The following NEDD4L variants were observed in gnomAD, a reference collection of about 807,000 sequenced individuals.
The protein encoded by NEDD4L is NEDD4 like E3 ubiquitin protein ligase.
NEDD4L carries 54 observed loss-of-function variants against 148.9 expected under a neutral mutation model. The observed-to-expected ratio is 0.36, with a 90% CI of 0.29 to 0.45. The LOEUF is 0.45. Ranked by LOEUF, NEDD4L falls within the 20% of genes least tolerant of loss-of-function variation. The pLI is 1.00. For missense variants in NEDD4L, 856 were observed against 1,233.8 expected, an observed-to-expected ratio of 0.69 and a Z score of 4.59; for synonymous variants, 433 against 440.7, an observed-to-expected ratio of 0.98 and a Z score of 0.22.
At position 58,396,589 on chromosome 18, in the gene NEDD4L, T is replaced by C. The variant is rs4149616; in HGVS notation, c.*320T>C. 2,329 of 217,200 alleles carry C rather than the reference T, an allele frequency of 0.011. 15 individuals are homozygous for C. Among genetic ancestry groups the C allele is most frequent in the Middle Eastern group, 0.02 (11 of 552 alleles). 13.5% of individuals were successfully genotyped at this position (217,200 alleles called of 1,614,324 possible). A position where few individuals can be genotyped will look rare whatever the true frequency, so the allele number is the denominator to read the frequency against. The stretch of plus-strand genomic sequence containing the variant: ...TTACATCCTTTCTAATGACAATGAA[T>C]GGAATTAATCACTCAACAGGTATAG... On this transcript the variant is annotated 3_prime_UTR_variant, in exon 31 of 31. Coordinates refer to ENST00000400345, the MANE Select transcript of NEDD4L (RefSeq NM_001144967.3).
chr18:58,276,694 A>ATAATAT lies in NEDD4L; in HGVS notation c.297+24642_297+24643insATATTA, dbSNP rs1555783396. Reference sequence around the variant, plus strand: ...GTGGTCAGCTATAATAATAATAATAATATTATTATTATTATTATTAATAAA... The same window carrying ATAATAT: ...GTGGTCAGCTATAATAATAATAATAATAATATTATTATTATTATTATTATTAATAAA... On this transcript the variant is annotated intron_variant, in intron 5 of 30. Transcript: ENST00000400345. Among the ~76,000 whole-genome samples, 882 of 97,812 alleles carry ATAATAT rather than the reference A, an allele frequency of 9.0e-3. 13 individuals carry two copies. Among genetic ancestry groups the ATAATAT allele is most frequent in the African/African-American group, 0.045 (831 of 18,628 alleles). The allele number at this position is 97,812 out of a possible 152,430, so 64.2% of individuals were successfully genotyped here. A position where few individuals can be genotyped will look rare whatever the true frequency, so the allele number is the denominator to read the frequency against.
At chr18:58,175,602 T>C (rs2038037704) in intron 2 of NEDD4L, among the ~76,000 whole-genome samples, 1 of 152,244 alleles carries the variant, frequency 6.6e-6, no homozygotes, top group Non-Finnish European at 1.5e-5. Flanking sequence ...CTAATGGCCC[T>C]TGGGCCAAAA....
In NEDD4L at chr18:58,273,148, G is replaced by A. The variant is rs184349961; in HGVS notation, c.297+21094G>A. Reference sequence around the variant, plus strand: ...GATCAGAAAGGGATCATCCAAGTGAGTGGAGGAGACAGTGGTCCAGGATGA... The same window carrying A: ...GATCAGAAAGGGATCATCCAAGTGAATGGAGGAGACAGTGGTCCAGGATGA... On this transcript the variant is annotated intron_variant, in intron 5 of 30. Coordinates refer to ENST00000400345, the MANE Select transcript of NEDD4L (RefSeq NM_001144967.3). Among the ~76,000 whole-genome samples, 307 of 152,334 alleles carry A rather than the reference G, an allele frequency of 2.0e-3. 2 individuals are homozygous for A. The highest frequency in any genetic ancestry group is 7.2e-3 in the African/African-American group (299 of 41,576).
chr18:58,164,168 G>C (rs145581354), intron 1 of NEDD4L, among the ~76,000 whole-genome samples: 1,572 of 150,242 alleles, frequency 0.01, 32 homozygotes, highest in African/African-American at 0.036. Context: ...CAGTGCCCCT[G>C]CCTGACACTG....
intron 3 of NEDD4L, among the ~76,000 whole-genome samples, chr18:58,245,948 G>A (rs552522275): frequency 1.3e-4 from 19 of 148,272 alleles, no homozygotes; most frequent in Admixed American, 9.7e-4. Flanking sequence ...TCCACCTGTC[G>A]TGGACTCCCA....
In NEDD4L at chr18:58,044,326, G is replaced by C. The variant is rs1266238395; in HGVS notation, c.-335G>C. 6.4e-6 allele frequency: 1 copy of C among 157,018 alleles called. No individual in the cohort carries two copies. Among genetic ancestry groups the C allele is most frequent in the Non-Finnish European group, 1.4e-5 (1 of 71,846 alleles). The allele number at this position is 157,018 out of a possible 1,614,324, so 9.7% of individuals were successfully genotyped here. ...GGGGGCGGAGAGCGGCGGGGCGGGA[G>C]GGAGGCGCGGGTCGCGGGGAGGGAA... On this transcript the variant is annotated 5_prime_UTR_variant, in exon 1 of 31. Coordinates refer to ENST00000400345, the MANE Select transcript of NEDD4L (RefSeq NM_001144967.3).
At chr18:58,286,499 G>C (rs942777147) in intron 5 of NEDD4L, among the ~76,000 whole-genome samples, 2 of 152,002 alleles carry the variant, frequency 1.3e-5, no homozygotes, top group African/African-American at 4.8e-5. Flanking sequence ...GTATTAATGG[G>C]TGTGTTCAAT....
chr18:58,069,954 A>T (rs916942040), intron 1 of NEDD4L, among the ~76,000 whole-genome samples: 1 of 152,190 alleles, frequency 6.6e-6, no homozygotes, highest in East Asian at 1.9e-4. Context: ...CCTCACAGCC[A>T]TGGCAGCTGT....
At chr18:58,261,059 A>T (rs760186920) in intron 5 of NEDD4L, among the ~76,000 whole-genome samples, 2 of 152,346 alleles carry the variant, frequency 1.3e-5, no homozygotes, top group Middle Eastern at 3.4e-3. Flanking sequence ...TTAATTGTGA[A>T]CAACCATTTT....
intron 5 of NEDD4L, among the ~76,000 whole-genome samples, chr18:58,290,332 C>T (rs541622805): frequency 2.0e-5 from 3 of 152,334 alleles, no homozygotes; most frequent in African/African-American, 4.8e-5. Context: ...GATCCACATT[C>T]GTCATTGAAC....
At chr18:58,218,505 G>C (rs1455643726) in intron 2 of NEDD4L, among the ~76,000 whole-genome samples, 1 of 152,168 alleles carries the variant, frequency 6.6e-6, no homozygotes, top group Non-Finnish European at 1.5e-5. Flanking sequence ...CCCACCCCTG[G>C]TCTTCCCAGG....
At chr18:58,374,597 G>T (rs1230239720) in intron 24 of NEDD4L, among the ~76,000 whole-genome samples, 2 of 151,966 alleles carry the variant, frequency 1.3e-5, no homozygotes, top group Admixed American at 1.3e-4. Context: ...TGCCCCTCTG[G>T]TCTCCAGCAG....
intron 6 of NEDD4L, among the ~76,000 whole-genome samples, chr18:58,320,592 C>A (rs1382114311): frequency 6.6e-6 from 1 of 152,114 alleles, no homozygotes; most frequent in Non-Finnish European, 1.5e-5. Context: ...GGCAGGAGGA[C>A]GTCTTGAGCT....
intron 1 of NEDD4L, among the ~76,000 whole-genome samples, chr18:58,098,940 A>G (rs1465822242): frequency 1.3e-5 from 2 of 152,192 alleles, no homozygotes; most frequent in Non-Finnish European, 2.9e-5. Flanking sequence ...CCATGTGGTA[A>G]GCAGATGTTC....
At chr18:58,166,651 G>A (rs1327175803) in intron 2 of NEDD4L, among the ~76,000 whole-genome samples, 1 of 152,180 alleles carries the variant, frequency 6.6e-6, no homozygotes, top group Non-Finnish European at 1.5e-5. Flanking sequence ...AGGTCACGTG[G>A]GCCAGTGATG....
chr18:58,255,877 C>T, intron 5 of NEDD4L: 2 of 1,232,300 alleles, frequency 1.6e-6, no homozygotes, highest in South Asian at 4.1e-5. Flanking sequence ...AGCTCTTGAC[C>T]AGCATCGACG....
chr18:58,366,318 C>T lies in NEDD4L; in HGVS notation c.2063+90C>T, dbSNP rs1273213531. 2.2e-5 allele frequency: 20 copies of T among 900,604 alleles called. No individual in the cohort carries two copies. In the East Asian group the frequency reaches 3.4e-4, roughly 16 times the overall value. 55.8% of individuals were successfully genotyped at this position (900,604 alleles called of 1,614,324 possible). ...TGAAAGGATAAGCAGCTCATGAGTT[C>T]GAGATGCATTAACTCTGCTGAGTTT... is the stretch of plus-strand genomic sequence containing the variant. On this transcript the variant is annotated intron_variant, in intron 21 of 30. Coordinates refer to ENST00000400345, the MANE Select transcript of NEDD4L (RefSeq NM_001144967.3). The surrounding 1 kb of genome is among the most constrained non-coding windows in gnomAD (Gnocchi z 4.2).
In NEDD4L at chr18:58,256,188, C is replaced by T; in HGVS notation, c.297+4134C>T. 2.5e-6 allele frequency: 3 copies of T among 1,217,604 alleles called. No homozygotes were observed. Among genetic ancestry groups the T allele is most frequent in the African/African-American group, 1.6e-5 (1 of 63,854 alleles). The allele number at this position is 1,217,604 out of a possible 1,614,324, so 75.4% of individuals were successfully genotyped here. ...CGGTGCTCCGGCCCCGTGGACTGCG[C>T]GGAGGAGGCTGCCCCGGGCCTGCGC... On this transcript the variant is annotated intron_variant, in intron 5 of 30. Coordinates refer to ENST00000400345, the MANE Select transcript of NEDD4L (RefSeq NM_001144967.3). This position sits in a 1 kb window ranked among gnomAD's most constrained non-coding sequence, Gnocchi z 5.2.
At chr18:58,394,049 C>T (rs770478556) in intron 30 of NEDD4L, among the ~76,000 whole-genome samples, 4 of 152,238 alleles carry the variant, frequency 2.6e-5, no homozygotes, top group East Asian at 1.9e-4. Context: ...GCATCTTCCA[C>T]GTGAGGACGC....
Sources: gnomAD v4.1 joint callset for allele counts (sites outside exome capture counted in the v4.1 genomes callset) on GRCh38, gnomAD v4.1.1 for gene constraint, Gnocchi (gnomAD v3.1) non-coding constraint, MANE v1.5 for transcripts, NCBI Gene and HGNC (gene_info 2026-07-23, HGNC 2026-07-21) for gene names.